The following UBE4B variants were observed in gnomAD, a reference collection of about 807,000 sequenced individuals.
UBE4B encodes ubiquitin conjugation factor E4 B.
A neutral mutation model predicts 148.1 loss-of-function variants in UBE4B; 27 were observed. That is an observed-to-expected ratio of 0.18 (90% CI 0.13 to 0.25). The LOEUF (loss-of-function observed/expected upper bound fraction) is 0.25, where lower values mean the gene tolerates loss of function less well. Ranked by LOEUF, UBE4B falls within the 10% of genes least tolerant of loss-of-function variation. The pLI is 1.00. For missense variants in UBE4B, 1,170 were observed against 1,662.4 expected, an observed-to-expected ratio of 0.70 and a Z score of 5.15; for synonymous variants, 596 against 619.3, an observed-to-expected ratio of 0.96 and a Z score of 0.56.
At chr1:10,129,506 G>A in intron 12 of UBE4B, 58 bp downstream of exon 12, 1 of 1,545,658 alleles carries the variant, frequency 6.5e-7, no homozygotes, top group Non-Finnish European at 8.9e-7. Context: ...AACCCAGAAG[G>A]CATTCCTCTA....
intron 2 of UBE4B, among the ~76,000 whole-genome samples, chr1:10,079,646 C>T (rs1424164244): frequency 6.6e-6 from 1 of 152,114 alleles, no homozygotes; most frequent in African/African-American, 2.4e-5. Context: ...CATCTGTGGA[C>T]CACAGGTAAA....
intron 20 of UBE4B, 148 bp from the exon 21 acceptor site, chr1:10,151,178 T>C (rs1570986786): frequency 1.6e-6 from 1 of 615,790 alleles, no homozygotes. Context: ...AAAAAAAAAG[T>C]CACTGTAAAC....
At chr1:10,120,898 C>T (rs1570929687) in intron 9 of UBE4B, among the ~76,000 whole-genome samples, 1 of 152,130 alleles carries the variant, frequency 6.6e-6, no homozygotes, top group Non-Finnish European at 1.5e-5. Flanking sequence ...TTTATTTATT[C>T]TAGGTGTTCT....
chr1:10,129,087 C>A, intron 11 of UBE4B: 1 of 302,030 alleles, frequency 3.3e-6, no homozygotes, highest in Non-Finnish European at 6.3e-6. Context: ...TATATAGATA[C>A]AGTACACAAA....
intron 1 of UBE4B, among the ~76,000 whole-genome samples, chr1:10,034,729 A>G (rs1643437629): frequency 6.6e-6 from 1 of 152,190 alleles, no homozygotes; most frequent in South Asian, 2.1e-4. Flanking sequence ...TTAGCTACAG[A>G]GTACTTAGTG....
At chr1:10,175,379 C>T (rs752453452) in intron 25 of UBE4B, among the ~76,000 whole-genome samples, 8 of 152,198 alleles carry the variant, frequency 5.3e-5, no homozygotes, top group South Asian at 2.1e-4. Flanking sequence ...TAGCCGGGTG[C>T]AGTGGCTCAC....
At chr1:10,056,372 T>A (rs1393175753) in intron 1 of UBE4B, among the ~76,000 whole-genome samples, 2 of 152,190 alleles carry the variant, frequency 1.3e-5, no homozygotes, top group African/African-American at 2.4e-5. Context: ...ATTATTTTTT[T>A]AAAAAAGACT....
intron 25 of UBE4B, among the ~76,000 whole-genome samples, chr1:10,174,161 C>T (rs552268690): frequency 1.7e-4 from 26 of 152,098 alleles, no homozygotes; most frequent in Middle Eastern, 6.8e-3. Flanking sequence ...TTTGGGAGGC[C>T]AAGGTGGGTG....
intron 25 of UBE4B, 98 bp from the exon 26 acceptor site, chr1:10,178,545 GA>G: frequency 7.7e-7 from 1 of 1,297,172 alleles, no homozygotes; most frequent in Non-Finnish European, 1.0e-6. Context: ...TTTAGTGGGG[GA>G]AAATCCACAA....
intron 2 of UBE4B, among the ~76,000 whole-genome samples, chr1:10,083,343 A>G (rs1644714499): frequency 6.6e-6 from 1 of 152,158 alleles, no homozygotes; most frequent in Admixed American, 6.5e-5. Context: ...TGATTGATGC[A>G]AGGCAGGGCT....
At chr1:10,103,133 CAAG>C in intron 5 of UBE4B, 41 bp downstream of exon 5, 1 of 1,534,320 alleles carries the variant, frequency 6.5e-7, no homozygotes, top group Admixed American at 1.8e-5. Context: ...GAGTACTCGA[CAAG>C]AAAATAAGAT....
chr1:10,088,829 C>A (rs1004929129), intron 2 of UBE4B, among the ~76,000 whole-genome samples: 1 of 151,974 alleles, frequency 6.6e-6, no homozygotes, highest in African/African-American at 2.4e-5. Flanking sequence ...CAGGCTTGCA[C>A]CACCATGCCC....
intron 2 of UBE4B, among the ~76,000 whole-genome samples, chr1:10,078,417 CTTTT>C (rs999159523): frequency 1.2e-4 from 18 of 152,114 alleles, no homozygotes; most frequent in East Asian, 7.7e-4. Context: ...CCTTAAAGAG[CTTTT>C]AGCCTAGTTG....
intron 17 of UBE4B, among the ~76,000 whole-genome samples, chr1:10,143,270 C>T (rs1288526611): frequency 6.6e-6 from 1 of 152,110 alleles, no homozygotes; most frequent in African/African-American, 2.4e-5. Flanking sequence ...GGCCTGGTGG[C>T]AGGTGTCTAT....
chr1:10,122,811 C>G (rs1645431872), intron 10 of UBE4B, among the ~76,000 whole-genome samples: 1 of 152,202 alleles, frequency 6.6e-6, no homozygotes, highest in African/African-American at 2.4e-5. Flanking sequence ...TGTATCATCA[C>G]TTCCTTTTTT....
At chr1:10,110,731 A>G (rs1157327462) in intron 7 of UBE4B, among the ~76,000 whole-genome samples, 5 of 152,170 alleles carry the variant, frequency 3.3e-5, no homozygotes, top group African/African-American at 7.2e-5. Context: ...CAAGCCTTAT[A>G]TGAGTAGAGA....
At chr1:10,048,940 T>A (rs1643971103) in intron 1 of UBE4B, among the ~76,000 whole-genome samples, 1 of 152,218 alleles carries the variant, frequency 6.6e-6, no homozygotes, top group South Asian at 2.1e-4. Context: ...CACTACTTTC[T>A]TTATTCATTC....
At chr1:10,133,309 C>G (rs966389577) in intron 15 of UBE4B, among the ~76,000 whole-genome samples, 1 of 152,194 alleles carries the variant, frequency 6.6e-6, no homozygotes, top group Non-Finnish European at 1.5e-5. Flanking sequence ...CCACCGTTTA[C>G]TAACTGCGGG....
At chr1:10,071,534 G>A (rs1256090603) in intron 1 of UBE4B, among the ~76,000 whole-genome samples, 1 of 152,182 alleles carries the variant, frequency 6.6e-6, no homozygotes, top group East Asian at 1.9e-4. Context: ...GCTGCAGTGA[G>A]CTATGATTGA....
Sources: allele counts gnomAD v4.1 joint callset (sites outside exome capture counted in the v4.1 genomes callset), GRCh38; gene constraint gnomAD v4.1.1; transcripts MANE v1.5; gene names NCBI Gene and HGNC (gene_info 2026-07-23, HGNC 2026-07-21).